Variants in HS6ST2 observed in about 807,000 individuals in gnomAD.
HS6ST2 encodes heparan-sulfate 6-O-sulfotransferase 2.
HS6ST2 carries 17 observed loss-of-function variants against 33.0 expected under a neutral mutation model. The ratio of observed to expected loss-of-function variants is 0.52; its 90% CI spans 0.35 to 0.77. The LOEUF (loss-of-function observed/expected upper bound fraction) is 0.77. HS6ST2 is among the 30% of genes least tolerant of loss of function. The pLI is 0.01. For synonymous variants in HS6ST2, 248 were observed against 237.1 expected, an observed-to-expected ratio of 1.05 and a Z score of -0.42; for missense variants, 519 against 551.7, an observed-to-expected ratio of 0.94 and a Z score of 0.59.
At chrX:132,776,697 G>A (rs1372599534) in intron 2 of HS6ST2, among the ~76,000 whole-genome samples, 5 of 110,352 alleles carry the variant, frequency 4.5e-5, no homozygotes, top group East Asian at 2.8e-4. Flanking sequence ...TACCTTATTC[G>A]CCTCATTGTC....
chrX:132,948,502 C>G (rs940694927), intron 2 of HS6ST2, among the ~76,000 whole-genome samples: 1 of 111,439 alleles, frequency 9.0e-6, no homozygotes, highest in Non-Finnish European at 1.9e-5. Context: ...TTATAATATT[C>G]CAGAAAAAGC....
chrX:132,666,617 AG>A (rs1169351883), intron 4 of HS6ST2, among the ~76,000 whole-genome samples: 1 of 111,118 alleles, frequency 9.0e-6, no homozygotes, highest in African/African-American at 3.3e-5. Flanking sequence ...CTTGGGACAC[AG>A]GTTGGCCCGT....
At chrX:132,927,858 GA>G (rs752332242) in intron 2 of HS6ST2, among the ~76,000 whole-genome samples, 3,431 of 51,957 alleles carry the variant, frequency 0.066, 142 homozygotes, top group Admixed American at 0.2. Context: ...CCCTGTCTCA[GA>G]AAAAAAAAAA....
At chrX:132,733,771 C>G (rs2064480820) in intron 2 of HS6ST2, among the ~76,000 whole-genome samples, 1 of 109,740 alleles carries the variant, frequency 9.1e-6, no homozygotes, top group Admixed American at 9.8e-5. Context: ...ATGTAGAGTC[C>G]ATCTGATGCT....
intron 2 of HS6ST2, among the ~76,000 whole-genome samples, chrX:132,884,744 A>G (rs774167866): frequency 2.7e-5 from 3 of 111,611 alleles, no homozygotes; most frequent in African/African-American, 9.8e-5. Flanking sequence ...GGGATCAAAC[A>G]TATCAGATCA....
At chrX:132,681,593 T>A (rs755858468) in intron 3 of HS6ST2, among the ~76,000 whole-genome samples, 13 of 111,691 alleles carry the variant, frequency 1.2e-4, no homozygotes, top group Non-Finnish European at 2.4e-4. Context: ...GAGACCAGCC[T>A]GAGCAACATG....
intron 2 of HS6ST2, among the ~76,000 whole-genome samples, chrX:132,791,343 A>T (rs2065118409): frequency 8.9e-6 from 1 of 112,052 alleles, no homozygotes; most frequent in African/African-American, 3.2e-5. Context: ...AATACTTGAT[A>T]TCACAGTCAA....
chrX:132,930,152 TG>T (rs988300586), intron 2 of HS6ST2, among the ~76,000 whole-genome samples: 2 of 110,075 alleles, frequency 1.8e-5, no homozygotes, highest in Non-Finnish European at 1.9e-5. Flanking sequence ...TTGTTGTTGT[TG>T]TTGTTTTGTT....
At chrX:132,812,470 T>G (rs1330366072) in intron 2 of HS6ST2, among the ~76,000 whole-genome samples, 1 of 104,277 alleles carries the variant, frequency 9.6e-6, no homozygotes, top group Non-Finnish European at 2.0e-5. Context: ...ATGGCCATCC[T>G]AATGGGTGTG....
At chrX:132,705,772 G>A (rs182086883) in intron 3 of HS6ST2, among the ~76,000 whole-genome samples, 3 of 111,711 alleles carry the variant, frequency 2.7e-5, no homozygotes, top group Non-Finnish European at 3.8e-5. Flanking sequence ...GACTCTAAAC[G>A]CCTAGACTGT....
chrX:132,707,077 T>C (rs1024288421), intron 3 of HS6ST2, among the ~76,000 whole-genome samples: 2 of 112,457 alleles, frequency 1.8e-5, no homozygotes, highest in African/African-American at 6.5e-5. Flanking sequence ...TCCTATCATC[T>C]AGCAATTTTA....
intron 2 of HS6ST2, among the ~76,000 whole-genome samples, chrX:132,769,286 C>A (rs2064875313): frequency 8.9e-6 from 1 of 112,330 alleles, no homozygotes; most frequent in African/African-American, 3.2e-5. Context: ...AGCAAGAAGA[C>A]AATAATATTT....
At chrX:132,704,068 T>G (rs2064167424) in intron 3 of HS6ST2, among the ~76,000 whole-genome samples, 1 of 111,937 alleles carries the variant, frequency 8.9e-6, no homozygotes, top group South Asian at 3.9e-4. Flanking sequence ...CTATCACTGA[T>G]AGAATTATTT....
At position 132,865,796 on chromosome X, in the gene HS6ST2, A is replaced by C. The variant is rs755423945; in HGVS notation, c.947+91012T>G. 2.0e-4 allele frequency among the ~76,000 whole-genome samples: 22 copies of C among 111,435 alleles called. No homozygotes were observed. The East Asian group carries it at 4.2e-3, about 21-fold the overall frequency. On this transcript the variant is annotated intron_variant, in intron 2 of 4. Transcript: ENST00000370833. ...GTCTTCTTTTGAGAAGTGTCTGTTC[A>C]TGTCCTTCGCCCACTTTTTGATGGG...
intron 2 of HS6ST2, among the ~76,000 whole-genome samples, chrX:132,811,866 A>G (rs1300420192): frequency 4.7e-5 from 5 of 107,215 alleles, no homozygotes; most frequent in African/African-American, 1.7e-4. Context: ...TTATTTTAAA[A>G]TGTACAATTA....
At chrX:132,794,574 G>GATGATGATGATGATGATT (rs916088563) in intron 2 of HS6ST2, among the ~76,000 whole-genome samples, 10 of 99,066 alleles carry the variant, frequency 1.0e-4, no homozygotes, top group African/African-American at 3.9e-4. Flanking sequence ...TGATGATGAT[G>GATGATGATGATGATGATT]ATTATTATTA....
intron 2 of HS6ST2, among the ~76,000 whole-genome samples, chrX:132,824,698 G>A (rs1055276480): frequency 1.8e-5 from 2 of 112,479 alleles, no homozygotes; most frequent in Admixed American, 9.4e-5. Flanking sequence ...AACTGGAATC[G>A]TATTCCAAGT....
At chrX:132,652,450 G>A (rs2063700790) in intron 4 of HS6ST2, among the ~76,000 whole-genome samples, 1 of 111,767 alleles carries the variant, frequency 8.9e-6, no homozygotes, top group East Asian at 2.8e-4. Context: ...CACATTTACA[G>A]TGCCTTCTAA....
At chrX:132,677,839 C>T (rs1193761432) in intron 3 of HS6ST2, among the ~76,000 whole-genome samples, 2 of 111,733 alleles carry the variant, frequency 1.8e-5, no homozygotes, top group Non-Finnish European at 3.8e-5. Flanking sequence ...TTAGGAAGAG[C>T]TGAGGTCATA....
Sources: gnomAD v4.1 joint callset for allele counts (sites outside exome capture counted in the v4.1 genomes callset) on GRCh38, gnomAD v4.1.1 for gene constraint, MANE v1.5 for transcripts, NCBI Gene and HGNC (gene_info 2026-07-23, HGNC 2026-07-21) for gene names.